Variants in ACTN1 observed in about 807,000 individuals in gnomAD.
The protein encoded by ACTN1 is actinin alpha 1.
In ACTN1, 30 loss-of-function variants were observed where a neutral mutation model predicts 119.6. The observed-to-expected ratio is 0.25, with a 90% CI of 0.19 to 0.34. The LOEUF is 0.34. Ranked by LOEUF, ACTN1 falls within the 10% of genes least tolerant of loss-of-function variation. ACTN1 has a pLI of 1.00. For synonymous variants in ACTN1, 429 were observed against 472.6 expected (o/e 0.91, Z 1.20); for missense variants, 764 against 1,223.4 (o/e 0.62, Z 5.60).
At chr14:68,978,444 C>T (rs1292834030) in intron 1 of ACTN1, 6 of 344,822 alleles carry the variant, frequency 1.7e-5, no homozygotes, top group Non-Finnish European at 1.7e-5. Flanking sequence ...GGCGCTCTCC[C>T]CTCCGCCTAA....
At chr14:68,884,496 T>C (rs2031831252) in intron 13 of ACTN1, among the ~76,000 whole-genome samples, 188 bp from the exon 14 acceptor site, 1 of 152,164 alleles carries the variant, frequency 6.6e-6, no homozygotes, top group Non-Finnish European at 1.5e-5. Context: ...TCCCAGAGTC[T>C]GGTGTGTAGA....
chr14:68,911,900 C>CGG (rs2034034027), intron 4 of ACTN1, among the ~76,000 whole-genome samples: 2 of 152,266 alleles, frequency 1.3e-5, no homozygotes, highest in Non-Finnish European at 2.9e-5. Flanking sequence ...TTCCAATATA[C>CGG]TTCCCCATGG....
At chr14:68,972,113 G>C (rs1301583058) in intron 1 of ACTN1, among the ~76,000 whole-genome samples, 1 of 152,082 alleles carries the variant, frequency 6.6e-6, no homozygotes, top group Non-Finnish European at 1.5e-5. Flanking sequence ...CAGAGGTTAG[G>C]GAGAAATTTT....
rs774789519 is a variant in ACTN1 at position 68,878,585 on chromosome 14, G to A, written c.2362-62C>T. 49 of 1,606,560 alleles carry A rather than the reference G, an allele frequency of 3.0e-5. No homozygotes were observed. The highest frequency in any genetic ancestry group is 1.6e-4 in the Middle Eastern group (1 of 6,076). On this transcript the variant is annotated intron_variant, in intron 19 of 21. Coordinates refer to ENST00000394419, the MANE Select transcript of ACTN1 (RefSeq NM_001130004.2). The surrounding 1 kb of genome is among the most constrained non-coding windows in gnomAD (Gnocchi z 4.4). ...CGGGAAGGCAGGAAGAGGAAGGGCCGGCCCGGGGCCAGGAAGACAGGAACA... is the reference window on the plus strand; with the variant it reads ...CGGGAAGGCAGGAAGAGGAAGGGCCAGCCCGGGGCCAGGAAGACAGGAACA...
At chr14:68,927,904 C>A (rs941243598) in intron 1 of ACTN1, among the ~76,000 whole-genome samples, 2 of 152,210 alleles carry the variant, frequency 1.3e-5, no homozygotes, top group Non-Finnish European at 2.9e-5. Context: ...CTTGAGTGTG[C>A]GTTGACACTG....
chr14:68,949,827 T>C (rs2036069945), intron 1 of ACTN1, among the ~76,000 whole-genome samples: 1 of 152,170 alleles, frequency 6.6e-6, no homozygotes, highest in Non-Finnish European at 1.5e-5. Context: ...CTTCAAGACA[T>C]TCTGCTAAGT....
chr14:68,967,758 C>T (rs924273575), intron 1 of ACTN1, among the ~76,000 whole-genome samples: 1 of 152,220 alleles, frequency 6.6e-6, no homozygotes, highest in African/African-American at 2.4e-5. Flanking sequence ...TGGGACCCCA[C>T]TTGTTGTCCT....
At chr14:68,930,005 T>C (rs2140419367) in intron 1 of ACTN1, among the ~76,000 whole-genome samples, 1 of 152,368 alleles carries the variant, frequency 6.6e-6, no homozygotes, top group Middle Eastern at 3.4e-3. Flanking sequence ...GTCCACCTTC[T>C]GTACAGGTCT....
chr14:68,953,885 CA>C (rs756178152), intron 1 of ACTN1, among the ~76,000 whole-genome samples: 10,262 of 101,696 alleles, frequency 0.1, 431 homozygotes, highest in African/African-American at 0.16. Context: ...GACTCTGTCT[CA>C]AAAAAAAAAA....
At chr14:68,919,899 G>C (rs1188393476) in intron 3 of ACTN1, among the ~76,000 whole-genome samples, 3 of 152,208 alleles carry the variant, frequency 2.0e-5, no homozygotes, top group African/African-American at 7.2e-5. Flanking sequence ...TCGACCCCAT[G>C]CACTGCAGTT....
chr14:68,930,229 CA>C (rs1363104515), intron 1 of ACTN1, among the ~76,000 whole-genome samples: 1 of 152,126 alleles, frequency 6.6e-6, no homozygotes, highest in Non-Finnish European at 1.5e-5. Context: ...AAATGGGGGA[CA>C]ATAGCATCTC....
In ACTN1 at chr14:68,875,418, C is replaced by G. The variant is rs540780793; in HGVS notation, c.2587-401G>C. ...ACTCAACTGAGCTCTCTGGACGCCTCGGACAGACAGTCTAATTTTAATGAG... is the reference window on the plus strand; with the variant it reads ...ACTCAACTGAGCTCTCTGGACGCCTGGGACAGACAGTCTAATTTTAATGAG... On this transcript the variant is annotated intron_variant, in intron 21 of 21. Coordinates refer to ENST00000394419, the MANE Select transcript of ACTN1 (RefSeq NM_001130004.2). Among the ~76,000 whole-genome samples the G allele has an allele frequency of 3.9e-5, 6 of 152,362 alleles. No homozygotes were observed. The East Asian group carries it at 5.8e-4, about 15-fold the overall frequency.
chr14:68,947,056 G>A (rs1335005680), intron 1 of ACTN1, among the ~76,000 whole-genome samples: 1 of 152,204 alleles, frequency 6.6e-6, no homozygotes, highest in Non-Finnish European at 1.5e-5. Flanking sequence ...AACTGGCAGA[G>A]CAATCTGAGG....
intron 1 of ACTN1, among the ~76,000 whole-genome samples, chr14:68,930,481 G>C (rs1488248014): frequency 6.6e-6 from 1 of 152,174 alleles, no homozygotes; most frequent in Admixed American, 6.5e-5. Flanking sequence ...GCATGAGTTA[G>C]GGGATGAGCT....
chr14:68,913,020 C>A (rs2034094450), intron 3 of ACTN1, among the ~76,000 whole-genome samples: 1 of 152,204 alleles, frequency 6.6e-6, no homozygotes, highest in Non-Finnish European at 1.5e-5. Flanking sequence ...TCCACTGACT[C>A]AATCTCACAA....
chr14:68,942,945 G>A (rs1319390930), intron 1 of ACTN1, among the ~76,000 whole-genome samples: 1 of 152,174 alleles, frequency 6.6e-6, no homozygotes, highest in African/African-American at 2.4e-5. Flanking sequence ...AGATGACACT[G>A]GGCCATGACG....
At chr14:68,937,194 T>A (rs903555796) in intron 1 of ACTN1, among the ~76,000 whole-genome samples, 7 of 152,178 alleles carry the variant, frequency 4.6e-5, no homozygotes, top group African/African-American at 1.7e-4. Context: ...ACAGTCACTG[T>A]CCTTGTAAAG....
intron 1 of ACTN1, among the ~76,000 whole-genome samples, chr14:68,941,704 G>A (rs1057249197): frequency 1.3e-5 from 2 of 152,074 alleles, no homozygotes; most frequent in Non-Finnish European, 2.9e-5. Context: ...AAGAGAAAGG[G>A]TGCTCATGGA....
intron 1 of ACTN1, among the ~76,000 whole-genome samples, chr14:68,944,970 G>A (rs949486789): frequency 2.6e-5 from 4 of 151,916 alleles, no homozygotes; most frequent in African/African-American, 9.7e-5. Context: ...ACGCGTGTGT[G>A]GGGCTGGGCA....
Sources: allele counts gnomAD v4.1 joint callset (sites outside exome capture counted in the v4.1 genomes callset), GRCh38; gene constraint gnomAD v4.1.1; non-coding constraint Gnocchi (gnomAD v3.1); transcripts MANE v1.5; gene names NCBI Gene and HGNC (gene_info 2026-07-23, HGNC 2026-07-21).